Variants in ADAMTSL1 observed in about 807,000 individuals in gnomAD.
The protein encoded by ADAMTSL1 is ADAMTS-like protein 1.
A neutral mutation model predicts 201.8 loss-of-function variants in ADAMTSL1; 126 were observed. The ratio of observed to expected loss-of-function variants is 0.62; its 90% CI spans 0.54 to 0.72. The LOEUF (loss-of-function observed/expected upper bound fraction) is 0.72. ADAMTSL1 is among the 30% of genes least tolerant of loss of function. The probability of loss-of-function intolerance (pLI) is 0.00; values close to 1 mark genes in which losing one functional copy is unlikely to be tolerated. For missense variants in ADAMTSL1, 2,679 were observed against 2,277.8 expected, an observed-to-expected ratio of 1.18 and a Z score of -3.59; for synonymous variants, 1,121 against 903.4, an observed-to-expected ratio of 1.24 and a Z score of -4.32.
intron 1 of ADAMTSL1, among the ~76,000 whole-genome samples, chr9:18,492,628 TA>T (rs904095981): frequency 6.6e-6 from 1 of 152,156 alleles, no homozygotes; most frequent in Non-Finnish European, 1.5e-5. Flanking sequence ...CACTTATATT[TA>T]AAAAAATAAC....
intron 14 of ADAMTSL1, among the ~76,000 whole-genome samples, chr9:18,707,999 T>C (rs775149585): frequency 6.6e-6 from 1 of 152,238 alleles, no homozygotes; most frequent in East Asian, 1.9e-4. Context: ...GAAATTTTAA[T>C]AGATGAGGGA....
At chr9:18,282,828 C>CA (rs1832843689) in intron 2 of ADAMTSL1, among the ~76,000 whole-genome samples, 1 of 152,150 alleles carries the variant, frequency 6.6e-6, no homozygotes, top group Admixed American at 6.5e-5. Flanking sequence ...ACCCGGGAGA[C>CA]AGAGTTTGCA....
chr9:18,555,192 A>C (rs773137424), intron 3 of ADAMTSL1, among the ~76,000 whole-genome samples: 1 of 151,736 alleles, frequency 6.6e-6, no homozygotes, highest in Non-Finnish European at 1.5e-5. Flanking sequence ...TTCTTCCACA[A>C]CTTGCCGTTC....
At chr9:18,145,335 A>G (rs76832189) in intron 1 of ADAMTSL1, among the ~76,000 whole-genome samples, 3,970 of 152,290 alleles carry the variant, frequency 0.026, 74 homozygotes, top group Non-Finnish European at 0.041. Flanking sequence ...TTATTTGGTA[A>G]CTATTTGACA....
intron 1 of ADAMTSL1, among the ~76,000 whole-genome samples, chr9:17,968,883 A>G (rs78534031): frequency 1.3e-5 from 2 of 152,192 alleles, no homozygotes; most frequent in East Asian, 3.9e-4. Flanking sequence ...ATGACACTGT[A>G]TCTAGGGATT....
chr9:18,569,899 T>C (rs1256226392), intron 3 of ADAMTSL1, among the ~76,000 whole-genome samples: 1 of 152,214 alleles, frequency 6.6e-6, no homozygotes, highest in Non-Finnish European at 1.5e-5. Flanking sequence ...ATATATTTAG[T>C]ACATTCTACA....
intron 20 of ADAMTSL1, among the ~76,000 whole-genome samples, chr9:18,813,845 T>A (rs1395929486): frequency 1.9e-4 from 29 of 152,248 alleles, no homozygotes; most frequent in Non-Finnish European, 1.0e-4. Context: ...CTTGCAGTAC[T>A]ATGTTGAAGA....
At chr9:18,152,619 G>T (rs1392823467) in intron 1 of ADAMTSL1, among the ~76,000 whole-genome samples, 1 of 151,952 alleles carries the variant, frequency 6.6e-6, no homozygotes, top group Admixed American at 6.6e-5. Flanking sequence ...ATCATTCTCA[G>T]TTACCACAGA....
At chr9:18,903,031 C>CGGTCTTG (rs1830097999) in intron 26 of ADAMTSL1, among the ~76,000 whole-genome samples, 2 of 152,038 alleles carry the variant, frequency 1.3e-5, no homozygotes, top group Non-Finnish European at 2.9e-5. Context: ...ATGGCAAAAC[C>CGGTCTTG]CCATCTCTAC....
intron 2 of ADAMTSL1, among the ~76,000 whole-genome samples, chr9:18,306,567 T>C (rs868334564): frequency 3.9e-5 from 6 of 152,008 alleles, no homozygotes; most frequent in African/African-American, 1.5e-4. Flanking sequence ...AATAGCTTAA[T>C]TGATGAAGCA....
At chr9:18,210,561 ATT>A (rs927116077) in intron 2 of ADAMTSL1, among the ~76,000 whole-genome samples, 4 of 149,082 alleles carry the variant, frequency 2.7e-5, no homozygotes, top group Non-Finnish European at 5.9e-5. Context: ...GCTAAGATGG[ATT>A]TGTTAGTAGA....
At chr9:18,260,266 T>A (rs1254175935) in intron 2 of ADAMTSL1, among the ~76,000 whole-genome samples, 1 of 152,204 alleles carries the variant, frequency 6.6e-6, no homozygotes, top group Non-Finnish European at 1.5e-5. Flanking sequence ...TTCACACAGC[T>A]CAGAGCAAGC....
rs1261448388 is a variant in ADAMTSL1, at chr9:18,662,001, G to T, written c.1013G>T (p.Cys338Phe). Residue 338 changes from cysteine to phenylalanine, a missense_variant, in exon 9 of 29, where the codon TGT (cysteine) becomes TTT (phenylalanine). Physicochemically the swap from Cys to Phe is radical, Grantham distance 205. Transcript: ENST00000380548. ...RSNRVVADQY[C>F]HYYPENIKPK... The stretch of plus-strand genomic sequence containing the variant: ...AACCGTGTGGTTGCTGACCAATACT[G>T]TCACTATTACCCAGAGAACATCAAA... 6.2e-7 allele frequency: 1 copy of T among 1,613,992 alleles called. No homozygotes were observed. Among genetic ancestry groups the T allele is most frequent in the Non-Finnish European group, 8.5e-7 (1 of 1,179,974 alleles).
chr9:18,170,760 C>G (rs1232621198), intron 2 of ADAMTSL1, among the ~76,000 whole-genome samples: 1 of 152,042 alleles, frequency 6.6e-6, no homozygotes, highest in Non-Finnish European at 1.5e-5. Context: ...AAAGGCCAGC[C>G]CATGCTCTGC....
At chr9:18,418,043 T>C (rs986675645) in intron 2 of ADAMTSL1, among the ~76,000 whole-genome samples, 3 of 152,232 alleles carry the variant, frequency 2.0e-5, no homozygotes, top group African/African-American at 7.2e-5. Flanking sequence ...GGCTAATTTA[T>C]TACTTTTAGA....
chr9:18,445,827 A>G (rs1321614470), intron 2 of ADAMTSL1, among the ~76,000 whole-genome samples: 1 of 152,158 alleles, frequency 6.6e-6, no homozygotes, highest in Non-Finnish European at 1.5e-5. Context: ...AAAAAAGTAC[A>G]ATTATCAGAA....
chr9:18,903,198 CATAAAA>C (rs1370873933), intron 26 of ADAMTSL1, among the ~76,000 whole-genome samples: 1 of 151,786 alleles, frequency 6.6e-6, no homozygotes, highest in African/African-American at 2.4e-5. Flanking sequence ...AAAACAAAAA[CATAAAA>C]AGAAAAAGAA....
At chr9:18,179,311 A>C (rs1331897417) in intron 2 of ADAMTSL1, among the ~76,000 whole-genome samples, 1 of 152,186 alleles carries the variant, frequency 6.6e-6, no homozygotes, top group Non-Finnish European at 1.5e-5. Flanking sequence ...TGAAGCGAGA[A>C]GGGAAGTTTA....
chr9:18,680,252 G>A (rs1367249375), intron 10 of ADAMTSL1, 60 bp from the exon 11 acceptor site: 9 of 1,534,542 alleles, frequency 5.9e-6, no homozygotes, highest in Non-Finnish European at 8.0e-6. Flanking sequence ...TGGTGGACCA[G>A]TCACTGAGGA....
Sources: gnomAD v4.1 joint callset for allele counts (sites outside exome capture counted in the v4.1 genomes callset) on GRCh38, gnomAD v4.1.1 for gene constraint, MANE v1.5 for transcripts, NCBI Gene and HGNC (gene_info 2026-07-23, HGNC 2026-07-21) for gene names.